PLCB1: variants seen among roughly 807,000 people sequenced by gnomAD.
PLCB1 encodes 1-phosphatidylinositol 4,5-bisphosphate phosphodiesterase beta-1.
Under a neutral mutation model 161.8 loss-of-function variants are expected in PLCB1, and 46 were observed. The observed-to-expected ratio is 0.28, with a 90% CI of 0.22 to 0.36. The LOEUF (loss-of-function observed/expected upper bound fraction) is 0.36, where lower values mean the gene tolerates loss of function less well. Among genes scored for constraint, PLCB1 ranks in the 10% least tolerant of loss-of-function variants. The pLI, the probability that PLCB1 is intolerant of heterozygous loss-of-function variation, is 1.00. For missense variants in PLCB1, 1,016 were observed against 1,472.5 expected, an observed-to-expected ratio of 0.69 and a Z score of 5.07; for synonymous variants, 517 against 503.7, an observed-to-expected ratio of 1.03 and a Z score of -0.35.
chr20:8,559,418 A>T (rs937177423), intron 3 of PLCB1, among the ~76,000 whole-genome samples: 1 of 151,966 alleles, frequency 6.6e-6, no homozygotes, highest in Non-Finnish European at 1.5e-5. Flanking sequence ...GAAAGATAAG[A>T]CATATAGAAC....
Position 8,788,438 on chromosome 20 carries a change from T to G in PLCB1, c.3112-11T>G. On this transcript the variant is annotated splice_polypyrimidine_tract_variant and intron_variant, in intron 27 of 31. Coordinates refer to ENST00000338037, the MANE Select transcript of PLCB1 (RefSeq NM_015192.4). ...CATTTGAAATAGCAAACTGACATTT[T>G]CTTTTTCCAGCTTATTCAAAAGTTG... is the stretch of plus-strand genomic sequence containing the variant. 6.2e-7 allele frequency: 1 copy of G among 1,611,758 alleles called. No individual in the cohort carries two copies. The highest frequency in any genetic ancestry group is 8.5e-7 in the Non-Finnish European group (1 of 1,179,016).
intron 19 of PLCB1, among the ~76,000 whole-genome samples, chr20:8,735,724 CATGTTTTGAAATGCTTGCT>C (rs1349458515): frequency 6.6e-6 from 1 of 152,190 alleles, no homozygotes; most frequent in Non-Finnish European, 1.5e-5. Flanking sequence ...AAGTTTCAAA[CATGTTTTGAAATGCTTGCT>C]TATTTCATAG....
At chr20:8,186,020 TC>T (rs1446326590) in intron 2 of PLCB1, among the ~76,000 whole-genome samples, 1 of 152,218 alleles carries the variant, frequency 6.6e-6, no homozygotes, top group Non-Finnish European at 1.5e-5. Flanking sequence ...TATTCCAGTG[TC>T]CTCTGGAATG....
At chr20:8,372,510 TA>T (rs5840262) in intron 3 of PLCB1, among the ~76,000 whole-genome samples, 60,720 of 152,014 alleles carry the variant, frequency 0.4, 13,057 homozygotes, top group South Asian at 0.56. Context: ...TGGTAAAATG[TA>T]AAAAACAAAG....
At chr20:8,147,397 T>A (rs938623467) in intron 1 of PLCB1, among the ~76,000 whole-genome samples, 1 of 152,178 alleles carries the variant, frequency 6.6e-6, no homozygotes, top group Admixed American at 6.5e-5. Context: ...CAGTCAAAGG[T>A]CCCAAGAGTC....
At chr20:8,696,449 T>C (rs1383141785) in intron 10 of PLCB1, among the ~76,000 whole-genome samples, 1 of 152,226 alleles carries the variant, frequency 6.6e-6, no homozygotes, top group Non-Finnish European at 1.5e-5. Flanking sequence ...TCTTTGTTCT[T>C]ATTTTTCAAG....
intron 2 of PLCB1, among the ~76,000 whole-genome samples, chr20:8,324,830 C>G (rs147249512): frequency 1.3e-3 from 203 of 152,340 alleles, no homozygotes; most frequent in African/African-American, 4.7e-3. Flanking sequence ...ATCCTTGTCA[C>G]AGCCACTGCT....
In PLCB1 at chr20:8,881,417, A is replaced by G. The variant is rs567653799; in HGVS notation, c.3424-205A>G. On this transcript the variant is annotated intron_variant, in intron 31 of 31. Transcript: ENST00000338037. ...AGTCTTTAGCCTTATTGTGCCACAC[A>G]TAACTTGAAGTTGACTTTCAGCTAC... Among the ~76,000 whole-genome samples the G allele has an allele frequency of 5.9e-5, 9 of 152,142 alleles. 1 individual carries two copies. In the South Asian group the frequency reaches 6.2e-4, roughly 11 times the overall value.
intron 27 of PLCB1, among the ~76,000 whole-genome samples, chr20:8,785,949 G>A (rs1223611336): frequency 6.6e-6 from 1 of 152,066 alleles, no homozygotes; most frequent in African/African-American, 2.4e-5. Context: ...TAGAATGAGG[G>A]AGGGTCCACC....
At chr20:8,182,602 A>T in intron 2 of PLCB1, among the ~76,000 whole-genome samples, 1 of 140,400 alleles carries the variant, frequency 7.1e-6, no homozygotes. Flanking sequence ...TTTTTTTGAG[A>T]CTGAGTCTTA....
intron 3 of PLCB1, among the ~76,000 whole-genome samples, chr20:8,555,542 G>A (rs1985923586): frequency 6.6e-6 from 1 of 151,980 alleles, no homozygotes; most frequent in African/African-American, 2.4e-5. Context: ...TCTACTTCCT[G>A]TTTGGTCTTA....
chr20:8,825,702 G>C (rs1382677643), intron 31 of PLCB1, among the ~76,000 whole-genome samples: 9 of 152,224 alleles, frequency 5.9e-5, no homozygotes, highest in African/African-American at 1.9e-4. Context: ...ATCAGATTTA[G>C]ACTTTGAAAA....
chr20:8,368,545 A>AAAAAAG (rs1568649292), intron 2 of PLCB1, among the ~76,000 whole-genome samples: 17 of 150,784 alleles, frequency 1.1e-4, no homozygotes, highest in East Asian at 9.9e-4. Context: ...AAAAAAAAAA[A>AAAAAAG]AAAAAGAAAA....
intron 2 of PLCB1, among the ~76,000 whole-genome samples, chr20:8,353,055 G>A (rs1035231240): frequency 7.6e-4 from 116 of 152,146 alleles, no homozygotes; most frequent in African/African-American, 1.8e-3. Flanking sequence ...CCCTGAACTT[G>A]GTTTCTAGTG....
At chr20:8,383,835 G>A (rs1429947819) in intron 3 of PLCB1, among the ~76,000 whole-genome samples, 3 of 152,172 alleles carry the variant, frequency 2.0e-5, no homozygotes. Flanking sequence ...CTTTAAGAAT[G>A]TTGAATATTG....
intron 25 of PLCB1, among the ~76,000 whole-genome samples, 158 bp downstream of exon 25, chr20:8,760,618 C>T (rs576696578): frequency 6.6e-6 from 1 of 152,274 alleles, no homozygotes; most frequent in South Asian, 2.1e-4. Flanking sequence ...GTTTAGTCTA[C>T]ATGATATGAT....
intron 6 of PLCB1, among the ~76,000 whole-genome samples, 167 bp downstream of exon 6, chr20:8,648,120 A>G (rs1989216076): frequency 6.6e-6 from 1 of 152,098 alleles, no homozygotes; most frequent in Admixed American, 6.6e-5. Context: ...TGCTTTCCTC[A>G]TAGACGTCTC....
At chr20:8,868,790 C>T (rs770191435) in intron 31 of PLCB1, among the ~76,000 whole-genome samples, 7 of 152,264 alleles carry the variant, frequency 4.6e-5, no homozygotes, top group South Asian at 2.1e-4. Flanking sequence ...AGCCACCACA[C>T]GCAGCCAGTT....
chr20:8,797,238 C>A (rs1984071131), intron 31 of PLCB1, among the ~76,000 whole-genome samples: 1 of 152,038 alleles, frequency 6.6e-6, no homozygotes, highest in Non-Finnish European at 1.5e-5. Context: ...CCCCTCCCCC[C>A]ACCGACAGCA....
Sources: allele counts gnomAD v4.1 joint callset (sites outside exome capture counted in the v4.1 genomes callset), GRCh38; gene constraint gnomAD v4.1.1; transcripts MANE v1.5; gene names NCBI Gene and HGNC (gene_info 2026-07-23, HGNC 2026-07-21).